KLHL38: variants seen among roughly 807,000 people sequenced by gnomAD.
The protein encoded by KLHL38 is kelch like family member 38, also known as kelch-like protein 38.
Under a neutral mutation model 39.6 loss-of-function variants are expected in KLHL38, and 38 were observed. That is an observed-to-expected ratio of 0.96 (90% CI 0.74 to 1.26). The LOEUF (loss-of-function observed/expected upper bound fraction) is 1.26. Ranked by LOEUF, KLHL38 falls within the 50% of genes most tolerant of loss-of-function variation. The probability of loss-of-function intolerance (pLI) is 0.00; values close to 1 mark genes in which losing one functional copy is unlikely to be tolerated. For missense variants in KLHL38, 803 were observed against 748.1 expected (o/e 1.07, Z -0.86); for synonymous variants, 322 against 302.2 (o/e 1.07, Z -0.68).
At chr8:123,649,305 C>G (rs1053809809) in intron 2 of KLHL38, among the ~76,000 whole-genome samples, 6 of 152,090 alleles carry the variant, frequency 3.9e-5, no homozygotes, top group African/African-American at 1.4e-4. Flanking sequence ...TCCCCCACTT[C>G]AAGTAGAGGA....
chr8:123,651,826 C>A lies in KLHL38; in HGVS notation c.1101G>T (p.Glu367Asp), dbSNP rs1812651479. ...GGGAGTAGCGGGCCACCAGCATGGG[C>A]TCCCCCAGCCTCCACTGATTGAGTT... ...SLKLNQWRLG[E>D]PMLVARYSHR... The change falls in exon 2 of 4, where the codon GAG becomes GAT. Residue 367 changes from glutamate to aspartate, a missense_variant. Glu to Asp is a conservative substitution (Grantham distance 45). Coordinates refer to ENST00000684634, the MANE Select transcript of KLHL38 (RefSeq NM_001081675.3). 2.1e-5 allele frequency: 34 copies of A among 1,614,180 alleles called. No homozygotes were observed. The highest frequency in any genetic ancestry group is 2.8e-5 in the Non-Finnish European group (33 of 1,180,042).
At chr8:123,648,486 T>C (rs1414622774) in intron 2 of KLHL38, among the ~76,000 whole-genome samples, 1 of 152,174 alleles carries the variant, frequency 6.6e-6, no homozygotes, top group Non-Finnish European at 1.5e-5. Context: ...AATATGTAAG[T>C]GACAAACTCT....
At chr8:123,647,942 G>T (rs1818690629) in intron 2 of KLHL38, among the ~76,000 whole-genome samples, 1 of 152,118 alleles carries the variant, frequency 6.6e-6, no homozygotes, top group African/African-American at 2.4e-5. Flanking sequence ...TTAGCTGCGT[G>T]TGGTAGTGCA....
rs754376135 is a variant in KLHL38, at chr8:123,651,657, G to A, written c.1270C>T (p.Pro424Ser). Residue 424 changes from proline to serine, a missense_variant, in exon 2 of 4, where the codon CCC becomes TCC. Pro to Ser is a moderately conservative substitution (Grantham distance 74, BLOSUM62 -1). Coordinates refer to ENST00000684634, the MANE Select transcript of KLHL38 (RefSeq NM_001081675.3). Reference protein sequence around the residue: ...MASMPVGVLHPAVAVKDQRLY... With the variant: ...MASMPVGVLHSAVAVKDQRLY... The stretch of plus-strand genomic sequence containing the variant: ...CTTTGGTCTTTCACAGCGACTGCGG[G>A]GTGGAGCACCCCCACGGGCATGCTG... 1.9e-6 allele frequency: 3 copies of A among 1,613,840 alleles called. No individual in the cohort carries two copies. The highest frequency in any genetic ancestry group is 2.7e-5 in the African/African-American group (2 of 74,922).
Position 123,651,987 on chromosome 8 carries a change from T to C in KLHL38, c.940A>G (p.Ser314Gly). ...LYSKQTGQWQSLAKLPTRLYK... is the reference protein window; with the variant it reads ...LYSKQTGQWQGLAKLPTRLYK... ...AGCCGTGTCGGGAGTTTGGCAAGGC[T>C]CTGCCATTGGCCGGTCTGTTTGCTG... is the stretch of plus-strand genomic sequence containing the variant. Residue 314 changes from serine to glycine, a missense_variant, in exon 2 of 4, where the codon AGC becomes GGC. Ser to Gly is a moderately conservative substitution (Grantham distance 56). Transcript: ENST00000684634. 1 of 1,614,254 alleles carries C rather than the reference T, an allele frequency of 6.2e-7. No homozygotes were observed. Among genetic ancestry groups the C allele is most frequent in the South Asian group, 1.1e-5 (1 of 91,084 alleles).
At position 123,645,459 on chromosome 8, in the gene KLHL38, G is replaced by GAGAGAGAGAC. The variant is rs1818644627; in HGVS notation, c.*279_*280insGTCTCTCTCT. On this transcript the variant is annotated 3_prime_UTR_variant, in exon 4 of 4. Coordinates refer to ENST00000684634, the MANE Select transcript of KLHL38 (RefSeq NM_001081675.3). The stretch of plus-strand genomic sequence containing the variant: ...CTCAAAAAAAAGAAAAAGAGAGAGA[G>GAGAGAGAGAC]AGAGAGAGAGAGAGAGAGAGACAGA... 2.2e-6 allele frequency: 1 copy of GAGAGAGAGAC among 453,506 alleles called. No individual in the cohort carries two copies. The highest frequency in any genetic ancestry group is 3.6e-5 in the East Asian group (1 of 28,046). 28.1% of individuals were successfully genotyped at this position (453,506 alleles called of 1,614,324 possible). A position where few individuals can be genotyped will look rare whatever the true frequency, so the allele number is the denominator to read the frequency against.
At chr8:123,650,730 G>A (rs1020963947) in intron 2 of KLHL38, among the ~76,000 whole-genome samples, 5 of 152,184 alleles carry the variant, frequency 3.3e-5, no homozygotes, top group South Asian at 4.2e-4. Flanking sequence ...AATGTCTGCC[G>A]ATCATTAAAA....
At chr8:123,646,758 G>T in intron 3 of KLHL38, 151 bp downstream of exon 3, 1 of 563,670 alleles carries the variant, frequency 1.8e-6, no homozygotes, top group South Asian at 2.6e-5. Flanking sequence ...GATGAGGAGA[G>T]AGTTTTGTCA....
rs892899973 is a variant in KLHL38 at position 123,645,659 on chromosome 8, G to A, written c.*80C>T. On this transcript the variant is annotated 3_prime_UTR_variant, in exon 4 of 4. Transcript: ENST00000684634. ...TGTGAGCTCTCCCTGCAGCCTTTAA[G>A]GGTTAAGCCCTTTGGAGCTGGGTTT... 1.3e-6 allele frequency: 2 copies of A among 1,505,708 alleles called. No individual in the cohort carries two copies. The highest frequency in any genetic ancestry group is 1.8e-6 in the Non-Finnish European group (2 of 1,100,990). 93.3% of individuals were successfully genotyped at this position (1,505,708 alleles called of 1,614,324 possible).
intron 2 of KLHL38, 78 bp downstream of exon 2, chr8:123,651,499 T>G: frequency 2.1e-6 from 3 of 1,441,580 alleles, no homozygotes; most frequent in Non-Finnish European, 2.8e-6. Context: ...TACATGTGCA[T>G]GTGTGTGCAA....
rs1338993659 is a variant in KLHL38, at chr8:123,651,638, T to G, written c.1289A>C (p.Asp430Ala). The stretch of plus-strand genomic sequence containing the variant: ...TCCTCCAAAGAGATAGAGTCTTTGG[T>G]CTTTCACAGCGACTGCGGGGTGGAG... Reference protein sequence around the residue: ...GVLHPAVAVKDQRLYLFGGED... With the variant: ...GVLHPAVAVKAQRLYLFGGED... The change falls in exon 2 of 4, where the codon GAC (aspartate) becomes GCC (alanine). Residue 430 changes from aspartate (D) to alanine (A), a missense_variant. Physicochemically the swap from Asp to Ala is moderately radical, Grantham distance 126. Transcript: ENST00000684634. 4 of 1,612,946 alleles carry G rather than the reference T, an allele frequency of 2.5e-6. No homozygotes were observed. Among genetic ancestry groups the G allele is most frequent in the Middle Eastern group, 3.3e-4 (2 of 6,080 alleles).
At position 123,651,640 on chromosome 8, in the gene KLHL38, T is replaced by A. The variant is rs769828904; in HGVS notation, c.1287A>T (p.Lys429Asn). Reference sequence around the variant, plus strand: ...CTCCAAAGAGATAGAGTCTTTGGTCTTTCACAGCGACTGCGGGGTGGAGCA... The same window carrying A: ...CTCCAAAGAGATAGAGTCTTTGGTCATTCACAGCGACTGCGGGGTGGAGCA... ...VGVLHPAVAV[K>N]DQRLYLFGGE... Residue 429 changes from lysine to asparagine, a missense_variant, in exon 2 of 4, where the codon AAA (lysine) becomes AAT (asparagine). Lys to Asn is a moderately conservative substitution (Grantham distance 94). Transcript: ENST00000684634. The A allele has an allele frequency of 2.5e-6, 4 of 1,613,276 alleles. No individual in the cohort carries two copies. In the East Asian group the frequency reaches 8.9e-5, roughly 36 times the overall value.
Position 123,652,668 on chromosome 8 carries a change from G to C in KLHL38, c.259C>G (p.Gln87Glu). 1 of 1,614,198 alleles carries C rather than the reference G, an allele frequency of 6.2e-7. No individual in the cohort carries two copies. Among genetic ancestry groups the C allele is most frequent in the Non-Finnish European group, 8.5e-7 (1 of 1,180,040 alleles). Reference protein sequence around the residue: ...LKGIDPPTLDQIVSYVYTGEA... With the variant: ...LKGIDPPTLDEIVSYVYTGEA... ...CCCGTATACACGTAGGAGACGATCT[G>C]GTCCAGGGTTGGGGGGTCAATGCCT... is the stretch of plus-strand genomic sequence containing the variant. The change falls in exon 2 of 4, where the codon CAG (glutamine) becomes GAG (glutamate). Residue 87 changes from glutamine to glutamate, a missense_variant. By Grantham distance (29) the Gln-to-Glu change is conservative. Transcript: ENST00000684634.
Position 123,652,947 on chromosome 8 carries a change from C to T in KLHL38, c.-1-20G>A, listed in dbSNP as rs759638110. The T allele has an allele frequency of 6.4e-7, 1 of 1,565,652 alleles. No individual in the cohort carries two copies. Among genetic ancestry groups the T allele is most frequent in the Non-Finnish European group, 8.6e-7 (1 of 1,161,590 alleles). ...TCCATCCTACAAAGAGGGAAGGAAG[C>T]CCCCAGAGTCAGCAAGAGTCAAACC... On this transcript the variant is annotated intron_variant, in intron 1 of 3. Transcript: ENST00000684634.
intron 2 of KLHL38, among the ~76,000 whole-genome samples, chr8:123,648,775 G>A (rs964871578): frequency 6.6e-6 from 1 of 152,148 alleles, no homozygotes; most frequent in Non-Finnish European, 1.5e-5. Context: ...GAAAGGTACA[G>A]GTACAGTGCG....
intron 1 of KLHL38, among the ~76,000 whole-genome samples, 29 bp downstream of exon 1, chr8:123,653,557 C>G (rs770000665): frequency 6.6e-6 from 1 of 152,188 alleles, no homozygotes; most frequent in Non-Finnish European, 1.5e-5. Context: ...TTTCTACTTG[C>G]AGAAGAAATA....
chr8:123,646,479 T>C (rs1818667299), intron 3 of KLHL38, among the ~76,000 whole-genome samples: 1 of 152,210 alleles, frequency 6.6e-6, no homozygotes, highest in Admixed American at 6.5e-5. Context: ...AAAAAGTATA[T>C]AGCCAGTTAG....
intron 3 of KLHL38, 149 bp from the exon 4 acceptor site, chr8:123,646,177 AG>A: frequency 1.4e-6 from 1 of 708,776 alleles, no homozygotes; most frequent in Non-Finnish European, 2.4e-6. Context: ...TAACCTGCCA[AG>A]GCCTGCTTTG....
At chr8:123,647,716 G>A (rs188734289) in intron 2 of KLHL38, among the ~76,000 whole-genome samples, 28 of 152,288 alleles carry the variant, frequency 1.8e-4, no homozygotes, top group Non-Finnish European at 4.4e-5. Flanking sequence ...AAGCAAAGAA[G>A]GAACAAGAGC....
Sources: gnomAD v4.1 joint callset for allele counts (sites outside exome capture counted in the v4.1 genomes callset) on GRCh38, gnomAD v4.1.1 for gene constraint, MANE v1.5 for transcripts, NCBI Gene and HGNC (gene_info 2026-07-23, HGNC 2026-07-21) for gene names.